The following NENF variants were observed in gnomAD, a reference collection of about 807,000 sequenced individuals.
NENF encodes the protein neudesin.
A neutral mutation model predicts 14.8 loss-of-function variants in NENF; 6 were observed. The observed-to-expected ratio is 0.40, with a 90% CI of 0.22 to 0.80. The LOEUF (loss-of-function observed/expected upper bound fraction) is 0.80, where lower values mean the gene tolerates loss of function less well. NENF is among the 30% of genes least tolerant of loss of function. NENF has a pLI of 0.34. For synonymous variants in NENF, 76 were observed against 95.1 expected (o/e 0.80, Z 1.17); for missense variants, 184 against 212.7 (o/e 0.87, Z 0.84).
intron 1 of NENF, among the ~76,000 whole-genome samples, chr1:212,438,315 A>G (rs1662640682): frequency 6.6e-6 from 1 of 152,220 alleles, no homozygotes; most frequent in Non-Finnish European, 1.5e-5. Flanking sequence ...CACTGTCTAC[A>G]GATTGCAGGC....
rs756551963 is a variant in NENF at position 212,446,015 on chromosome 1, C to T, written c.*9C>T. 3.7e-6 allele frequency: 6 copies of T among 1,613,932 alleles called. No individual in the cohort carries two copies. The African/African-American group carries it at 4.0e-5, about 11-fold the overall frequency. ...TCAAGGATGAGTTCTGATGTTCCCC[C>T]TGCAGGAGCAGGTTCTTGGGAGCGT... On this transcript the variant is annotated 3_prime_UTR_variant, in exon 4 of 4. Coordinates refer to ENST00000366988, the MANE Select transcript of NENF (RefSeq NM_013349.5).
chr1:212,437,574 A>G (rs1662628922), intron 1 of NENF, among the ~76,000 whole-genome samples: 1 of 152,176 alleles, frequency 6.6e-6, no homozygotes, highest in Non-Finnish European at 1.5e-5. Flanking sequence ...CGCCTCTATC[A>G]GTCACACATC....
At chr1:212,444,597 A>C (rs1662750898) in intron 3 of NENF, among the ~76,000 whole-genome samples, 155 bp downstream of exon 3, 1 of 142,942 alleles carries the variant, frequency 7.0e-6, no homozygotes, top group African/African-American at 2.6e-5. Flanking sequence ...CTTCCTAATT[A>C]GCTTATTTAC....
Position 212,444,441 on chromosome 1 carries a change from C to T in NENF, c.341C>T (p.Thr114Ile), listed in dbSNP as rs761718787. Residue 114 changes from threonine to isoleucine, a missense_variant and splice_region_variant, in exon 3 of 4, where the codon ACT becomes ATT. Coordinates refer to ENST00000366988, the MANE Select transcript of NENF (RefSeq NM_013349.5). ...GATCCTGCAGACCTCACCCATGACACTGTGAGCCAGATTATAAGCCTTTGT... is the reference window on the plus strand; with the variant it reads ...GATCCTGCAGACCTCACCCATGACATTGTGAGCCAGATTATAAGCCTTTGT... ...SLDPADLTHD[T>I]TGLTAKELEA... The T allele has an allele frequency of 1.2e-5, 19 of 1,590,802 alleles. No homozygotes were observed. Among genetic ancestry groups the T allele is most frequent in the Non-Finnish European group, 1.3e-5 (15 of 1,167,714 alleles).
intron 3 of NENF, among the ~76,000 whole-genome samples, chr1:212,445,121 G>A (rs752090656): frequency 1.9e-4 from 29 of 152,056 alleles, no homozygotes; most frequent in South Asian, 1.0e-3. Context: ...TGAGTGTGGT[G>A]GTGCACACCT....
Position 212,445,959 on chromosome 1 carries a change from T to C in NENF, c.472T>C (p.Phe158Leu), listed in dbSNP as rs770941162. The change falls in exon 4 of 4, where the codon TTC (phenylalanine) becomes CTC (leucine). Residue 158 changes from phenylalanine (F) to leucine (L), a missense_variant. Transcript: ENST00000366988. ...LNEDGSPNLD[F>L]KPEDQPHFDI... is the part of the protein sequence containing the mutation. ...TGAGGATGGCAGCCCTAACCTGGAC[T>C]TCAAGCCTGAAGACCAGCCCCATTT... is the stretch of plus-strand genomic sequence containing the variant. The C allele has an allele frequency of 6.2e-7, 1 of 1,614,180 alleles. No homozygotes were observed. Among genetic ancestry groups the C allele is most frequent in the Non-Finnish European group, 8.5e-7 (1 of 1,180,038 alleles).
chr1:212,439,710 A>T (rs1662670628), intron 1 of NENF, among the ~76,000 whole-genome samples: 1 of 146,620 alleles, frequency 6.8e-6, no homozygotes, highest in Admixed American at 6.9e-5. Context: ...AAAAAAAAAA[A>T]TTGGCCAGGC....
At chr1:212,441,800 G>A (rs1442599199) in intron 1 of NENF, among the ~76,000 whole-genome samples, 1 of 152,048 alleles carries the variant, frequency 6.6e-6, no homozygotes, top group East Asian at 1.9e-4. Context: ...AAAAAAGATG[G>A]GGCCCCATGG....
chr1:212,435,100 C>T (rs988591870), intron 1 of NENF: 2 of 152,186 alleles, frequency 1.3e-5, no homozygotes, highest in Non-Finnish European at 2.9e-5. Context: ...CCCTTTCACT[C>T]AGAAGTGTGA....
intron 1 of NENF, among the ~76,000 whole-genome samples, chr1:212,438,922 A>C (rs1486762008): frequency 6.6e-6 from 1 of 151,914 alleles, no homozygotes; most frequent in Non-Finnish European, 1.5e-5. Context: ...TGTCACTTCT[A>C]TTCCTGTGTC....
chr1:212,446,043 G>A lies in NENF; in HGVS notation c.*37G>A, dbSNP rs1371715334. The A allele has an allele frequency of 3.1e-6, 5 of 1,609,076 alleles. No individual in the cohort carries two copies. Among genetic ancestry groups the A allele is most frequent in the South Asian group, 2.2e-5 (2 of 90,860 alleles). ...CAGGAGCAGGTTCTTGGGAGCGTGA[G>A]GCAGGAAGACACTAGGTGCTGAATC... On this transcript the variant is annotated 3_prime_UTR_variant, in exon 4 of 4. Transcript: ENST00000366988.
At chr1:212,443,760 G>A (rs1245399712) in intron 2 of NENF, among the ~76,000 whole-genome samples, 1 of 152,006 alleles carries the variant, frequency 6.6e-6, no homozygotes, top group Non-Finnish European at 1.5e-5. Context: ...GAACGAGAAG[G>A]GGGCTAGGCA....
Position 212,433,102 on chromosome 1 carries a change from C to A in NENF, c.159C>A (p.Ala53=). The A allele has an allele frequency of 2.5e-6, 3 of 1,197,126 alleles. No homozygotes were observed. The highest frequency in any genetic ancestry group is 3.1e-6 in the Non-Finnish European group (3 of 965,130). 74.2% of individuals were successfully genotyped at this position (1,197,126 alleles called of 1,614,324 possible). The change falls in exon 1 of 4, where the codon GCC becomes GCA. Residue 53 remains alanine (A), a synonymous_variant. Transcript: ENST00000366988. This position sits in a 1 kb window ranked among gnomAD's most constrained non-coding sequence, Gnocchi z 5.5. ...PVRLFTEEEL[A]RYGGEEEDQP... Reference sequence around the variant, plus strand: ...GGCTTTTCACCGAGGAGGAGCTGGCCCGCTATGGCGGGGAGGAGGTAGGCG... The same window carrying A: ...GGCTTTTCACCGAGGAGGAGCTGGCACGCTATGGCGGGGAGGAGGTAGGCG...
At chr1:212,442,490 GAGA>G (rs1662713329) in intron 1 of NENF, 72 bp from the exon 2 acceptor site, 5 of 1,129,604 alleles carry the variant, frequency 4.4e-6, no homozygotes, top group Non-Finnish European at 6.8e-6. Context: ...CTTGTGATGG[GAGA>G]AGATTTTACT....
intron 3 of NENF, among the ~76,000 whole-genome samples, chr1:212,445,519 G>A (rs991456952): frequency 6.6e-6 from 1 of 151,992 alleles, no homozygotes; most frequent in Non-Finnish European, 1.5e-5. Flanking sequence ...TAATCGGGGG[G>A]AGGAAGGGGA....
chr1:212,441,788 A>G (rs1662703029), intron 1 of NENF, among the ~76,000 whole-genome samples: 1 of 151,718 alleles, frequency 6.6e-6, no homozygotes, highest in African/African-American at 2.4e-5. Flanking sequence ...CTCTGTCTCA[A>G]AAAAAAAGAT....
Position 212,439,026 on chromosome 1 carries a change from A to G in NENF, c.178-3539A>G, listed in dbSNP as rs912078891. Among the ~76,000 whole-genome samples the G allele has an allele frequency of 2.6e-5, 4 of 151,850 alleles. No individual in the cohort carries two copies. In the East Asian group the frequency reaches 7.7e-4, roughly 29 times the overall value. On this transcript the variant is annotated intron_variant, in intron 1 of 3. Coordinates refer to ENST00000366988, the MANE Select transcript of NENF (RefSeq NM_013349.5). ...TCTGTGCCTGGGGGTTGTGCTATCCATGGATGTTCATCTACACTGGGTCAG... is the reference window on the plus strand; with the variant it reads ...TCTGTGCCTGGGGGTTGTGCTATCCGTGGATGTTCATCTACACTGGGTCAG...
rs561236925 is a variant in NENF at position 212,446,012 on chromosome 1, C to A, written c.*6C>A. ...ACATCAAGGATGAGTTCTGATGTTC[C>A]CCCTGCAGGAGCAGGTTCTTGGGAG... On this transcript the variant is annotated 3_prime_UTR_variant, in exon 4 of 4. Coordinates refer to ENST00000366988, the MANE Select transcript of NENF (RefSeq NM_013349.5). 13 of 1,613,940 alleles carry A rather than the reference C, an allele frequency of 8.1e-6. 2 individuals carry two copies. The highest frequency in any genetic ancestry group is 5.5e-5 in the South Asian group (5 of 91,060).
chr1:212,445,170 G>A (rs935962823), intron 3 of NENF, among the ~76,000 whole-genome samples: 5 of 151,840 alleles, frequency 3.3e-5, no homozygotes, highest in Non-Finnish European at 7.4e-5. Flanking sequence ...CAGGAGAATC[G>A]CTCGAATCCA....
Sources: allele counts gnomAD v4.1 joint callset (sites outside exome capture counted in the v4.1 genomes callset), GRCh38; gene constraint gnomAD v4.1.1; non-coding constraint Gnocchi (gnomAD v3.1); transcripts MANE v1.5; gene names NCBI Gene and HGNC (gene_info 2026-07-23, HGNC 2026-07-21).